The following CDKN2B-AS1 variants were observed in gnomAD, a reference collection of about 807,000 sequenced individuals.
CDKN2B-AS1 encodes the protein CDKN2B and CDKN2A antisense cis and trans regulatory RNA 1.
intron 1 of CDKN2B-AS1, among the ~76,000 whole-genome samples, chr9:22,032,473 C>G (rs1279302830): frequency 6.6e-6 from 1 of 152,148 alleles, no homozygotes; most frequent in South Asian, 2.1e-4. Context: ...AGTGTGCTGC[C>G]TAGGGCTTCA....
intron 1 of CDKN2B-AS1, chr9:22,012,013 T>A (rs781601195): frequency 1.2e-5 from 6 of 501,746 alleles, no homozygotes; most frequent in Non-Finnish European, 2.2e-5. Flanking sequence ...CATTCCAATG[T>A]TGCACATAAC....
chr9:22,076,530 C>T (rs181201393), intron 4 of CDKN2B-AS1, among the ~76,000 whole-genome samples: 5 of 152,144 alleles, frequency 3.3e-5, no homozygotes, highest in East Asian at 1.9e-4. Flanking sequence ...GTATACAACA[C>T]GGTGCTATGG....
Position 22,000,476 on chromosome 9 carries a change from A to G in CDKN2B-AS1, n.29+5315A>G, listed in dbSNP as rs556217497. Among the ~76,000 whole-genome samples, 1 of 152,328 alleles carries G rather than the reference A, an allele frequency of 6.6e-6. No homozygotes were observed. Among genetic ancestry groups the G allele is most frequent in the Admixed American group, 6.5e-5 (1 of 15,298 alleles). Reference sequence around the variant, plus strand: ...ATTAGCAAATAATAGAGGATGATCAAATGTTTTTCAGAAAATATTATAGGT... The same window carrying G: ...ATTAGCAAATAATAGAGGATGATCAGATGTTTTTCAGAAAATATTATAGGT... On this transcript the variant is annotated intron_variant and non_coding_transcript_variant, in intron 1 of 4. Transcript: ENST00000650946. This position sits in a 1 kb window ranked among gnomAD's most constrained non-coding sequence, Gnocchi z 4.1.
intron 4 of CDKN2B-AS1, among the ~76,000 whole-genome samples, chr9:22,074,473 G>A (rs1824417145): frequency 1.3e-5 from 2 of 152,088 alleles, no homozygotes; most frequent in Non-Finnish European, 2.9e-5. Context: ...GATGCATCTG[G>A]TCACTCTCGA....
chr9:22,068,075 G>A (rs16905597), intron 4 of CDKN2B-AS1, among the ~76,000 whole-genome samples: 5,918 of 152,158 alleles, frequency 0.039, 309 homozygotes, highest in African/African-American at 0.12. Flanking sequence ...ACACATAAGA[G>A]GGGCTTACTC....
chr9:22,061,228 C>T (rs1016469743), intron 4 of CDKN2B-AS1, among the ~76,000 whole-genome samples: 2 of 152,178 alleles, frequency 1.3e-5, no homozygotes, highest in Admixed American at 6.5e-5. Flanking sequence ...TCTGGAACTC[C>T]TTCCCCAGGC....
intron 4 of CDKN2B-AS1, among the ~76,000 whole-genome samples, chr9:22,125,683 G>T (rs1818009672): frequency 6.6e-6 from 1 of 152,298 alleles, no homozygotes; most frequent in South Asian, 2.1e-4. Flanking sequence ...CAGCAATTAT[G>T]AGCCCTTTGT....
intron 1 of CDKN2B-AS1, among the ~76,000 whole-genome samples, chr9:22,015,451 A>G (rs985075113): frequency 2.0e-5 from 3 of 152,128 alleles, no homozygotes; most frequent in Non-Finnish European, 2.9e-5. Context: ...TTGTTTGGTC[A>G]TTCTGAATCC....
intron 4 of CDKN2B-AS1, among the ~76,000 whole-genome samples, chr9:22,078,273 T>C (rs1370904754): frequency 6.6e-6 from 1 of 152,220 alleles, no homozygotes; most frequent in Non-Finnish European, 1.5e-5. Context: ...CAATTTTTTT[T>C]TTTCAGATTT....
chr9:22,023,218 T>C (rs1822084423), intron 1 of CDKN2B-AS1, among the ~76,000 whole-genome samples: 1 of 152,216 alleles, frequency 6.6e-6, no homozygotes, highest in African/African-American at 2.4e-5. Flanking sequence ...AAAATATGCT[T>C]TCCAAGTTGG....
At chr9:22,088,751 C>T (rs1305376116) in intron 4 of CDKN2B-AS1, among the ~76,000 whole-genome samples, 4 of 152,134 alleles carry the variant, frequency 2.6e-5, no homozygotes, top group African/African-American at 7.2e-5. Flanking sequence ...AGATCAGGCT[C>T]TATAAAAGAA....
At position 22,079,415 on chromosome 9, in the gene CDKN2B-AS1, G is replaced by A. The variant is rs372090691; in HGVS notation, n.438+23028G>A. Among the ~76,000 whole-genome samples the A allele has an allele frequency of 1.2e-4, 18 of 151,846 alleles. No homozygotes were observed. The East Asian group carries it at 3.1e-3, about 26-fold the overall frequency. On this transcript the variant is annotated intron_variant and non_coding_transcript_variant, in intron 4 of 4. Transcript: ENST00000650946. ...AGGCAGGAGACTTGCTTGAATGCAG[G>A]AAGTGGAGGTTACAGTAAGCCGAGA...
chr9:22,057,506 T>A (rs1019104723), intron 4 of CDKN2B-AS1, among the ~76,000 whole-genome samples: 4 of 152,120 alleles, frequency 2.6e-5, no homozygotes, highest in African/African-American at 9.7e-5. Flanking sequence ...AAGATATAGT[T>A]GTAGAAAGTG....
At chr9:22,017,195 G>A (rs1286403438) in intron 1 of CDKN2B-AS1, among the ~76,000 whole-genome samples, 1 of 152,210 alleles carries the variant, frequency 6.6e-6, no homozygotes, top group Non-Finnish European at 1.5e-5. Context: ...GGGAGGCCGA[G>A]GCGCGCAGAT....
intron 4 of CDKN2B-AS1, among the ~76,000 whole-genome samples, chr9:22,071,343 A>T (rs566628544): frequency 1.4e-4 from 18 of 124,366 alleles, no homozygotes; most frequent in Non-Finnish European, 2.5e-4. Context: ...TCTGTTGACC[A>T]GGCTGGAGTG....
In CDKN2B-AS1 at chr9:21,998,490, G is replaced by C. The variant is rs562647314; in HGVS notation, n.29+3329G>C. On this transcript the variant is annotated intron_variant and non_coding_transcript_variant, in intron 1 of 4. Transcript: ENST00000650946. ...CATCAGGCAGGCCTTTGGGTTACAA[G>C]CCTTGTGCCTTTTCTGTTGTCCCAA... 2.0e-5 allele frequency among the ~76,000 whole-genome samples: 3 copies of C among 152,334 alleles called. No homozygotes were observed. In the East Asian group the frequency reaches 5.8e-4, roughly 29 times the overall value.
Position 21,999,770 on chromosome 9 carries a change from T to A in CDKN2B-AS1, n.29+4609T>A, listed in dbSNP as rs1360835187. Among the ~76,000 whole-genome samples, 1 of 152,076 alleles carries A rather than the reference T, an allele frequency of 6.6e-6. No homozygotes were observed. Among genetic ancestry groups the A allele is most frequent in the Non-Finnish European group, 1.5e-5 (1 of 67,976 alleles). Reference sequence around the variant, plus strand: ...TTGTTAGGGCTCATTCATAAAATAATAAAACTGTGCATCCATAAACAATAA... The same window carrying A: ...TTGTTAGGGCTCATTCATAAAATAAAAAAACTGTGCATCCATAAACAATAA... On this transcript the variant is annotated intron_variant and non_coding_transcript_variant, in intron 1 of 4. Transcript: ENST00000650946. This position sits in a 1 kb window ranked among gnomAD's most constrained non-coding sequence, Gnocchi z 4.7.
At chr9:22,062,315 A>G (rs1454733966) in intron 4 of CDKN2B-AS1, among the ~76,000 whole-genome samples, 4 of 152,236 alleles carry the variant, frequency 2.6e-5, no homozygotes, top group Non-Finnish European at 5.9e-5. Flanking sequence ...GTCTTTATGT[A>G]TACAATTGAA....
chr9:22,023,359 A>C (rs1186325673), intron 1 of CDKN2B-AS1, among the ~76,000 whole-genome samples: 1 of 151,672 alleles, frequency 6.6e-6, no homozygotes, highest in Admixed American at 6.6e-5. Flanking sequence ...TGCTTGTCTA[A>C]TTTTGGAAAG....
Sources: gnomAD v4.1 joint callset for allele counts (sites outside exome capture counted in the v4.1 genomes callset) on GRCh38, gnomAD v4.1.1 for gene constraint, Gnocchi (gnomAD v3.1) non-coding constraint, MANE v1.5 for transcripts, NCBI Gene and HGNC (gene_info 2026-07-23, HGNC 2026-07-21) for gene names.